The following MALRD1 variants were observed in gnomAD, a reference collection of about 807,000 sequenced individuals.
MALRD1 encodes MAM and LDL-receptor class A domain-containing protein 1.
In MALRD1, 247 loss-of-function variants were observed where a neutral mutation model predicts 242.1. That is an observed-to-expected ratio of 1.02 (90% CI 0.92 to 1.13). The LOEUF is 1.13. Among genes scored for constraint, MALRD1 ranks in the 50% most tolerant of loss-of-function variants. The probability of loss-of-function intolerance (pLI) is 0.00; values close to 1 mark genes in which losing one functional copy is unlikely to be tolerated. For missense variants in MALRD1, 2,989 were observed against 2,533.1 expected (o/e 1.18, Z -3.86); for synonymous variants, 995 against 866.6 (o/e 1.15, Z -2.60).
At chr10:19,292,213 T>C (rs1301892245) in intron 21 of MALRD1, among the ~76,000 whole-genome samples, 1 of 152,130 alleles carries the variant, frequency 6.6e-6, no homozygotes, top group Non-Finnish European at 1.5e-5. Context: ...TTTGGCTTGC[T>C]TCATTTATTG....
intron 31 of MALRD1, among the ~76,000 whole-genome samples, chr10:19,499,561 G>T (rs1216672133): frequency 6.6e-6 from 1 of 152,080 alleles, no homozygotes; most frequent in Admixed American, 6.6e-5. Context: ...CCACCCTGCA[G>T]ATATTGGACT....
At chr10:19,542,100 T>G (rs1264560462) in intron 32 of MALRD1, among the ~76,000 whole-genome samples, 1 of 152,060 alleles carries the variant, frequency 6.6e-6, no homozygotes, top group Non-Finnish European at 1.5e-5. Context: ...AAAATTAAAA[T>G]CAAGTCACAG....
chr10:19,412,931 A>T (rs1418683641), intron 28 of MALRD1, among the ~76,000 whole-genome samples: 1 of 152,180 alleles, frequency 6.6e-6, no homozygotes, highest in Non-Finnish European at 1.5e-5. Flanking sequence ...TGTAGATCAA[A>T]CATTTTATTT....
intron 8 of MALRD1, among the ~76,000 whole-genome samples, chr10:19,130,498 T>C (rs1199127936): frequency 1.3e-5 from 2 of 151,990 alleles, no homozygotes; most frequent in Non-Finnish European, 2.9e-5. Context: ...AGATGACAGA[T>C]AATTAATTAT....
intron 5 of MALRD1, among the ~76,000 whole-genome samples, chr10:19,106,946 A>G (rs1836485412): frequency 6.6e-6 from 1 of 151,890 alleles, no homozygotes; most frequent in South Asian, 2.1e-4. Context: ...TCCAAAGTTC[A>G]TTTCATTGTT....
At chr10:19,544,920 T>C (rs1380221489) in intron 32 of MALRD1, among the ~76,000 whole-genome samples, 3 of 152,208 alleles carry the variant, frequency 2.0e-5, no homozygotes, top group African/African-American at 4.8e-5. Context: ...GCCTATGCAG[T>C]CTACTATATT....
intron 18 of MALRD1, among the ~76,000 whole-genome samples, chr10:19,234,557 CTT>C (rs1838217814): frequency 6.6e-6 from 1 of 151,786 alleles, no homozygotes; most frequent in African/African-American, 2.4e-5. Context: ...ATAAATGAAA[CTT>C]AAGCAGCAAA....
intron 31 of MALRD1, among the ~76,000 whole-genome samples, chr10:19,505,317 A>G (rs1838155959): frequency 6.6e-6 from 1 of 152,142 alleles, no homozygotes; most frequent in African/African-American, 2.4e-5. Context: ...TAGTGTGACT[A>G]TTTGGAGATA....
chr10:19,125,278 T>TTTCTTTCTTTCC (rs1837218852), intron 7 of MALRD1, among the ~76,000 whole-genome samples: 3 of 95,224 alleles, frequency 3.2e-5, no homozygotes, highest in African/African-American at 1.6e-4. Context: ...TCTTTCTTTC[T>TTTCTTTCTTTCC]TTCTTTCTTT....
chr10:19,223,352 A>G (rs1216358547), intron 18 of MALRD1, among the ~76,000 whole-genome samples: 3 of 152,078 alleles, frequency 2.0e-5, no homozygotes, highest in Non-Finnish European at 2.9e-5. Context: ...GCCTTTTTCC[A>G]AACTGAAATC....
At chr10:19,341,201 A>T (rs1564576724) in intron 24 of MALRD1, among the ~76,000 whole-genome samples, 1 of 152,014 alleles carries the variant, frequency 6.6e-6, no homozygotes, top group Admixed American at 6.6e-5. Context: ...AAGTCAACAC[A>T]TAGTTCATAT....
At chr10:19,260,925 T>C (rs1474978942) in intron 19 of MALRD1, among the ~76,000 whole-genome samples, 2 of 152,058 alleles carry the variant, frequency 1.3e-5, no homozygotes, top group Non-Finnish European at 2.9e-5. Flanking sequence ...TTTACAGATA[T>C]GAAAAATTAA....
chr10:19,071,285 T>C (rs897588479), intron 2 of MALRD1, among the ~76,000 whole-genome samples: 1 of 147,788 alleles, frequency 6.8e-6, no homozygotes, highest in Non-Finnish European at 1.5e-5. Flanking sequence ...AGATTATTCA[T>C]AGAACAGGGG....
Position 19,687,972 on chromosome 10 carries a change from T to C in MALRD1, c.6138-4310T>C, listed in dbSNP as rs140052923. Among the ~76,000 whole-genome samples the C allele has an allele frequency of 9.2e-3, 1,120 of 122,090 alleles. 13 individuals are homozygous for C. The highest frequency in any genetic ancestry group is 0.032 in the African/African-American group (998 of 31,274). The allele number at this position is 122,090 out of a possible 152,430, so 80.1% of individuals were successfully genotyped here. A position where few individuals can be genotyped will look rare whatever the true frequency, so the allele number is the denominator to read the frequency against. On this transcript the variant is annotated intron_variant, in intron 36 of 39. Coordinates refer to ENST00000454679, the MANE Select transcript of MALRD1 (RefSeq NM_001142308.3). Reference sequence around the variant, plus strand: ...TGTTATGTTATGTTATGTTATGTTATGTTATGTTATTTTTGGAGAAGGAGT... The same window carrying C: ...TGTTATGTTATGTTATGTTATGTTACGTTATGTTATTTTTGGAGAAGGAGT...
intron 2 of MALRD1, among the ~76,000 whole-genome samples, chr10:19,085,081 A>G (rs143451454): frequency 1.4e-4 from 22 of 152,062 alleles, no homozygotes; most frequent in African/African-American, 4.6e-4. Context: ...TAGGCTGCTA[A>G]AGGAAGTACA....
At chr10:19,716,911 A>G (rs575729756) in intron 38 of MALRD1, 2 of 151,620 alleles carry the variant, frequency 1.3e-5, no homozygotes, top group African/African-American at 4.8e-5. Context: ...GCAAAAAAAC[A>G]AAAAACAAAA....
chr10:19,310,504 C>T (rs1842384512), intron 21 of MALRD1, among the ~76,000 whole-genome samples: 2 of 151,562 alleles, frequency 1.3e-5, no homozygotes, highest in South Asian at 2.1e-4. Flanking sequence ...CCTGGATTGT[C>T]AGAAGTCCAA....
chr10:19,282,002 A>T lies in MALRD1; in HGVS notation c.3257-1017A>T, dbSNP rs191901891. Among the ~76,000 whole-genome samples the T allele has an allele frequency of 1.1e-4, 16 of 151,502 alleles. No homozygotes were observed. In the East Asian group the frequency reaches 2.5e-3, roughly 24 times the overall value. On this transcript the variant is annotated intron_variant, in intron 20 of 39. Transcript: ENST00000454679. The stretch of plus-strand genomic sequence containing the variant: ...AAAAAAAAAATGAACACATAACATG[A>T]GATCTACCATCTTAACAAAATGCTA...
At chr10:19,312,319 T>C (rs1842459943) in intron 21 of MALRD1, among the ~76,000 whole-genome samples, 1 of 150,536 alleles carries the variant, frequency 6.6e-6, no homozygotes, top group African/African-American at 2.4e-5. Context: ...TTAGACCTTA[T>C]AGCTATTTTT....
Sources: allele counts gnomAD v4.1 joint callset (sites outside exome capture counted in the v4.1 genomes callset), GRCh38; gene constraint gnomAD v4.1.1; transcripts MANE v1.5; gene names NCBI Gene and HGNC (gene_info 2026-07-23, HGNC 2026-07-21).